Variants in WDR43 observed in about 807,000 individuals in gnomAD.
WDR43 encodes WD repeat-containing protein 43.
A neutral mutation model predicts 91.4 loss-of-function variants in WDR43; 13 were observed. The ratio of observed to expected loss-of-function variants is 0.14; its 90% CI spans 0.09 to 0.23. The LOEUF (loss-of-function observed/expected upper bound fraction) is 0.23, where lower values mean the gene tolerates loss of function less well. Ranked by LOEUF, WDR43 falls within the 10% of genes least tolerant of loss-of-function variation. The probability of loss-of-function intolerance (pLI) is 1.00; values close to 1 mark genes in which losing one functional copy is unlikely to be tolerated. For missense variants in WDR43, 780 were observed against 809.4 expected (o/e 0.96, Z 0.44); for synonymous variants, 331 against 287.9 (o/e 1.15, Z -1.51).
chr2:28,932,887 A>T (rs906833622), intron 11 of WDR43, among the ~76,000 whole-genome samples: 6 of 152,332 alleles, frequency 3.9e-5, no homozygotes, highest in Middle Eastern at 6.8e-3. Context: ...ATATTTTTTA[A>T]CAGTTCCATT....
intron 16 of WDR43, among the ~76,000 whole-genome samples, chr2:28,946,046 A>G (rs1476862745): frequency 6.6e-6 from 1 of 152,166 alleles, no homozygotes; most frequent in Non-Finnish European, 1.5e-5. Context: ...TACATGTAAG[A>G]ATAAATTAGC....
chr2:28,913,451 T>A (rs1424183998), intron 4 of WDR43, among the ~76,000 whole-genome samples: 2 of 152,148 alleles, frequency 1.3e-5, no homozygotes. Context: ...CACCTCAGCC[T>A]CCTGAGTAGC....
chr2:28,912,614 T>C lies in WDR43; in HGVS notation c.510T>C (p.Ser170=), dbSNP rs1670823429. The change falls in exon 4 of 18, where the codon AGT becomes AGC. Residue 170 remains serine, a synonymous_variant. Transcript: ENST00000407426. The stretch of plus-strand genomic sequence containing the variant: ...GCAAATGGAAAGGCGACAATAGCAG[T>C]GTCAGTTCCCTATGTATCAGCCCAG... ...VKCKWKGDNS[S]VSSLCISPDG... is the part of the protein sequence containing the mutation. 2.5e-6 allele frequency: 4 copies of C among 1,613,904 alleles called. No individual in the cohort carries two copies. The highest frequency in any genetic ancestry group is 2.7e-5 in the African/African-American group (2 of 75,024).
intron 14 of WDR43, among the ~76,000 whole-genome samples, chr2:28,941,097 G>T (rs1436131303): frequency 6.6e-6 from 1 of 152,170 alleles, no homozygotes; most frequent in Non-Finnish European, 1.5e-5. Context: ...TCAGAGGAAA[G>T]CCTCTTTAGC....
chr2:28,938,129 A>T, intron 14 of WDR43, 135 bp downstream of exon 14: 1 of 929,794 alleles, frequency 1.1e-6, no homozygotes, highest in African/African-American at 1.7e-5. Context: ...TCCTTTAGAG[A>T]TTTTGTTTTA....
intron 13 of WDR43, 128 bp downstream of exon 13, chr2:28,937,081 T>A (rs771231094): frequency 2.9e-5 from 25 of 855,430 alleles, no homozygotes; most frequent in Non-Finnish European, 3.0e-5. Context: ...ACCTCCCTTA[T>A]TTTAAGTTGA....
intron 1 of WDR43, 71 bp from the exon 2 acceptor site, chr2:28,901,916 T>G (rs933003688): frequency 3.5e-5 from 50 of 1,425,940 alleles, no homozygotes; most frequent in Non-Finnish European, 4.5e-5. Context: ...GGTGGGCATT[T>G]GTATTTGTTC....
chr2:28,931,996 C>T (rs1427876380), intron 11 of WDR43, among the ~76,000 whole-genome samples: 2 of 151,674 alleles, frequency 1.3e-5, no homozygotes, highest in Non-Finnish European at 2.9e-5. Flanking sequence ...CCACCTCAGC[C>T]TCCTGAGTAT....
At chr2:28,900,898 A>G (rs1358821495) in intron 1 of WDR43, among the ~76,000 whole-genome samples, 1 of 152,148 alleles carries the variant, frequency 6.6e-6, no homozygotes, top group Non-Finnish European at 1.5e-5. Flanking sequence ...AAATTCTTTA[A>G]ATGTAAAATC....
chr2:28,935,808 G>T, intron 12 of WDR43: 1 of 373,952 alleles, frequency 2.7e-6, no homozygotes, highest in East Asian at 4.2e-5. Context: ...AAATGTCATT[G>T]GCAGTTTTAC....
chr2:28,946,580 CTTGTTGGTA>C lies in WDR43; in HGVS notation c.1855-17_1855-9del. 6.4e-7 allele frequency: 1 copy of C among 1,568,902 alleles called. No individual in the cohort carries two copies. Among genetic ancestry groups the C allele is most frequent in the Non-Finnish European group, 8.7e-7 (1 of 1,155,226 alleles). ...GAATGAGACCTTCATGAATGCTTTCCTTGTTGGTATTTCGACTAGGATAATTGGGATGAA... is the reference window on the plus strand; with the variant it reads ...GAATGAGACCTTCATGAATGCTTTCCTTTCGACTAGGATAATTGGGATGAA... On this transcript the variant is annotated splice_polypyrimidine_tract_variant and intron_variant, in intron 17 of 17. Transcript: ENST00000407426.
Position 28,905,902 on chromosome 2 carries a change from G to A in WDR43, c.364-558G>A, listed in dbSNP as rs1217295015. Among the ~76,000 whole-genome samples the A allele has an allele frequency of 3.1e-4, 47 of 151,846 alleles. 1 individual carries two copies. Among genetic ancestry groups the A allele is most frequent in the Non-Finnish European group, 7.4e-5 (5 of 67,986 alleles). On this transcript the variant is annotated intron_variant, in intron 2 of 17. Coordinates refer to ENST00000407426, the MANE Select transcript of WDR43 (RefSeq NM_015131.3). ...GGCTGGTCCTGACCTCAGGTGATCCGCCTGCCTCAGCCTCCCAAAGTGCTG... is the reference window on the plus strand; with the variant it reads ...GGCTGGTCCTGACCTCAGGTGATCCACCTGCCTCAGCCTCCCAAAGTGCTG...
chr2:28,923,503 G>A (rs958851953), intron 7 of WDR43, among the ~76,000 whole-genome samples: 9 of 152,114 alleles, frequency 5.9e-5, no homozygotes, highest in Non-Finnish European at 1.3e-4. Context: ...TCATTATACT[G>A]TAAACATGGT....
intron 1 of WDR43, among the ~76,000 whole-genome samples, chr2:28,899,881 T>G (rs1670547717): frequency 6.6e-6 from 1 of 152,186 alleles, no homozygotes; most frequent in Non-Finnish European, 1.5e-5. Context: ...TGGAGTAATA[T>G]TTAGGTTTAG....
chr2:28,926,936 C>T, intron 9 of WDR43: 1 of 384,310 alleles, frequency 2.6e-6, no homozygotes, highest in Non-Finnish European at 5.2e-6. Context: ...TGTAATAAAA[C>T]CGTCATGGGG....
At chr2:28,922,741 C>G (rs193079172) in intron 6 of WDR43, among the ~76,000 whole-genome samples, 178 bp from the exon 7 acceptor site, 1 of 151,534 alleles carries the variant, frequency 6.6e-6, no homozygotes, top group Non-Finnish European at 1.5e-5. Context: ...CTTGACAACA[C>G]CACCACTAAT....
At chr2:28,924,057 C>A (rs1359748232) in intron 7 of WDR43, among the ~76,000 whole-genome samples, 1 of 152,104 alleles carries the variant, frequency 6.6e-6, no homozygotes, top group Non-Finnish European at 1.5e-5. Flanking sequence ...TCATGAGATG[C>A]TTACACCTGG....
intron 6 of WDR43, 112 bp from the exon 7 acceptor site, chr2:28,922,807 T>TG (rs1553327959): frequency 2.4e-6 from 1 of 422,992 alleles, no homozygotes; most frequent in African/African-American, 2.0e-5. Context: ...GTTTTTTTTT[T>TG]TTTTTTTCTG....
rs1411401244 is a variant in WDR43 at position 28,937,040 on chromosome 2, CTCTT to C, written c.1556+90_1556+93del. 7 of 1,309,122 alleles carry C rather than the reference CTCTT, an allele frequency of 5.3e-6. No homozygotes were observed. In the African/African-American group the frequency reaches 9.0e-5, roughly 17 times the overall value. 81.1% of individuals were successfully genotyped at this position (1,309,122 alleles called of 1,614,324 possible). On this transcript the variant is annotated intron_variant, in intron 13 of 17. Coordinates refer to ENST00000407426, the MANE Select transcript of WDR43 (RefSeq NM_015131.3). ...TGGTTCTGATTTCTAACTAATAAAA[CTCTT>C]TCAGTGTCAAATATTAACCCCTCGC...
Sources: gnomAD v4.1 joint callset for allele counts (sites outside exome capture counted in the v4.1 genomes callset) on GRCh38, gnomAD v4.1.1 for gene constraint, MANE v1.5 for transcripts, NCBI Gene and HGNC (gene_info 2026-07-23, HGNC 2026-07-21) for gene names.